The following JAKMIP1 variants were observed in gnomAD, a reference collection of about 807,000 sequenced individuals.
The protein encoded by JAKMIP1 is janus kinase and microtubule-interacting protein 1.
A neutral mutation model predicts 113.0 loss-of-function variants in JAKMIP1; 33 were observed. The observed-to-expected ratio is 0.29, with a 90% CI of 0.22 to 0.39. The LOEUF (loss-of-function observed/expected upper bound fraction) is 0.39, where lower values mean the gene tolerates loss of function less well. JAKMIP1 is among the 10% of genes least tolerant of loss of function. The probability of loss-of-function intolerance (pLI) is 1.00; values close to 1 mark genes in which losing one functional copy is unlikely to be tolerated. For synonymous variants in JAKMIP1, 480 were observed against 459.9 expected, an observed-to-expected ratio of 1.04 and a Z score of -0.56; for missense variants, 813 against 1,080.5, an observed-to-expected ratio of 0.75 and a Z score of 3.47.
In JAKMIP1 at chr4:6,078,946, G is replaced by A. The variant is rs374764524; in HGVS notation, c.1295C>T (p.Pro432Leu). Residue 432 changes from proline (P) to leucine (L), a missense_variant, in exon 8 of 21, where the codon CCG becomes CTG. By Grantham distance (98) the Pro-to-Leu change is moderately conservative. Coordinates refer to ENST00000409021, the MANE Select transcript of JAKMIP1 (RefSeq NM_001099433.2). ...SKRHRGKSLK[P>L]PKKHVVETFF... ...GCACCATCGCAGGCTCACCTTGGGC[G>A]GTTTCAGACTTTTCCCTCGATGCCT... The A allele has an allele frequency of 3.3e-5, 54 of 1,614,044 alleles. No homozygotes were observed. Among genetic ancestry groups the A allele is most frequent in the East Asian group, 4.5e-5 (2 of 44,890 alleles).
intron 1 of JAKMIP1, among the ~76,000 whole-genome samples, chr4:6,146,989 G>A (rs1162304217): frequency 6.6e-6 from 1 of 151,908 alleles, no homozygotes; most frequent in African/African-American, 2.4e-5. Flanking sequence ...ATGGAGTTTT[G>A]CTCTTGTTGC....
intron 8 of JAKMIP1, among the ~76,000 whole-genome samples, chr4:6,078,528 AT>A (rs1394336427): frequency 6.6e-6 from 1 of 151,898 alleles, no homozygotes; most frequent in African/African-American, 2.4e-5. Flanking sequence ...CAAAAGACCT[AT>A]ATTTTCCAAA....
Position 6,042,306 on chromosome 4 carries a change from T to G in JAKMIP1, c.2029-79A>C. 1 of 1,152,396 alleles carries G rather than the reference T, an allele frequency of 8.7e-7. No homozygotes were observed. 71.4% of individuals were successfully genotyped at this position (1,152,396 alleles called of 1,614,324 possible). ...GGGGCTGTGGAATTTCACAGGTGTG[T>G]GAATTTCATAGATCGGCTTCCTCAG... On this transcript the variant is annotated intron_variant, in intron 16 of 20. Coordinates refer to ENST00000409021, the MANE Select transcript of JAKMIP1 (RefSeq NM_001099433.2). This position sits in a 1 kb window ranked among gnomAD's most constrained non-coding sequence, Gnocchi z 5.2.
rs1431535698 is a variant in JAKMIP1, at chr4:6,135,505, T to C, written c.-147-22508A>G. On this transcript the variant is annotated intron_variant, in intron 1 of 20. Coordinates refer to ENST00000409021, the MANE Select transcript of JAKMIP1 (RefSeq NM_001099433.2). The surrounding 1 kb of genome is among the most constrained non-coding windows in gnomAD (Gnocchi z 4.9). Reference sequence around the variant, plus strand: ...GTCCATCATGGCAGCCCCTGAAGACTGATACAGAGATGCTCCTTGAGCTGC... The same window carrying C: ...GTCCATCATGGCAGCCCCTGAAGACCGATACAGAGATGCTCCTTGAGCTGC... 2.6e-5 allele frequency among the ~76,000 whole-genome samples: 4 copies of C among 152,108 alleles called. No homozygotes were observed. The highest frequency in any genetic ancestry group is 2.6e-4 in the Admixed American group (4 of 15,266).
rs1396691189 is a variant in JAKMIP1 at position 6,180,325 on chromosome 4, A to T, written c.-148+19928T>A. 6.6e-6 allele frequency among the ~76,000 whole-genome samples: 1 copy of T among 152,244 alleles called. No homozygotes were observed. The highest frequency in any genetic ancestry group is 1.9e-4 in the East Asian group (1 of 5,198). On this transcript the variant is annotated intron_variant, in intron 1 of 20. Transcript: ENST00000409021. This position sits in a 1 kb window ranked among gnomAD's most constrained non-coding sequence, Gnocchi z 4.5. ...TGAGAGTTGTTTATCAACATTCAAGAGAACATAATGAAGCTTCCTTTAGAA... is the reference window on the plus strand; with the variant it reads ...TGAGAGTTGTTTATCAACATTCAAGTGAACATAATGAAGCTTCCTTTAGAA...
intron 12 of JAKMIP1, chr4:6,054,849 C>T (rs1307872177): frequency 4.4e-6 from 2 of 456,632 alleles, no homozygotes; most frequent in Non-Finnish European, 8.8e-6. Flanking sequence ...AGCCTCATAG[C>T]ACCATTACAG....
intron 2 of JAKMIP1, among the ~76,000 whole-genome samples, chr4:6,109,763 C>G (rs900116323): frequency 3.3e-5 from 5 of 152,094 alleles, no homozygotes; most frequent in African/African-American, 1.2e-4. Context: ...AAAATGCCAG[C>G]ACTTTAAATG....
chr4:6,099,662 C>G (rs1188153281), intron 3 of JAKMIP1, among the ~76,000 whole-genome samples: 1 of 152,222 alleles, frequency 6.6e-6, no homozygotes, highest in Non-Finnish European at 1.5e-5. Context: ...CCCACTTCTC[C>G]TGTTCTTTAT....
chr4:6,174,809 G>A (rs1299757556), intron 1 of JAKMIP1, among the ~76,000 whole-genome samples: 5 of 148,082 alleles, frequency 3.4e-5, no homozygotes, highest in Non-Finnish European at 5.9e-5. Context: ...TGACCCCGTC[G>A]TGTCAAGGAC....
rs1431992905 is a variant in JAKMIP1, at chr4:6,061,071, G to A, written c.1561-564C>T. Among the ~76,000 whole-genome samples, 7 of 152,222 alleles carry A rather than the reference G, an allele frequency of 4.6e-5. No homozygotes were observed. Among genetic ancestry groups the A allele is most frequent in the South Asian group, 4.1e-4 (2 of 4,828 alleles). On this transcript the variant is annotated intron_variant, in intron 10 of 20. Coordinates refer to ENST00000409021, the MANE Select transcript of JAKMIP1 (RefSeq NM_001099433.2). This position sits in a 1 kb window ranked among gnomAD's most constrained non-coding sequence, Gnocchi z 5.3. ...GGACTGTGGCAAGCCAGAGGCACAC[G>A]TCCCATCTCAGGGAGACACTGCTAC...
At chr4:6,170,322 T>C (rs111064827) in intron 1 of JAKMIP1, among the ~76,000 whole-genome samples, 30 of 68,752 alleles carry the variant, frequency 4.4e-4, no homozygotes, top group South Asian at 1.7e-3. Context: ...CTCTCCACCA[T>C]CACCACCACT....
chr4:6,040,674 C>T lies in JAKMIP1; in HGVS notation c.2140G>A (p.Asp714Asn). The T allele has an allele frequency of 1.9e-6, 3 of 1,613,608 alleles. No individual in the cohort carries two copies. The highest frequency in any genetic ancestry group is 2.5e-6 in the Non-Finnish European group (3 of 1,179,762). Residue 714 changes from aspartate to asparagine, a missense_variant, in exon 18 of 21, where the codon GAC becomes AAC. Physicochemically the swap from Asp to Asn is conservative, Grantham distance 23. Transcript: ENST00000409021. This position sits in a 1 kb window ranked among gnomAD's most constrained non-coding sequence, Gnocchi z 5.8. ...RQKGYLEEEL[D>N]YRKQALDQAY... ...TGGTCAAGGGCTTGCTTCCGGTAGT[C>T]GAGCTCCTCTTCCAGGTAGCCCTTC...
chr4:6,154,054 T>C lies in JAKMIP1; in HGVS notation c.-147-41057A>G, dbSNP rs1003801338. ...ACCAGAGTGAGAGTTCAAGGCCATCTCTGCAGCCCCCAGACCATGCCTGGC... is the reference window on the plus strand; with the variant it reads ...ACCAGAGTGAGAGTTCAAGGCCATCCCTGCAGCCCCCAGACCATGCCTGGC... On this transcript the variant is annotated intron_variant, in intron 1 of 20. Coordinates refer to ENST00000409021, the MANE Select transcript of JAKMIP1 (RefSeq NM_001099433.2). The surrounding 1 kb of genome is among the most constrained non-coding windows in gnomAD (Gnocchi z 4.2). 1.3e-5 allele frequency among the ~76,000 whole-genome samples: 2 copies of C among 152,216 alleles called. No individual in the cohort carries two copies. Among genetic ancestry groups the C allele is most frequent in the African/African-American group, 4.8e-5 (2 of 41,452 alleles).
intron 1 of JAKMIP1, among the ~76,000 whole-genome samples, chr4:6,177,206 T>G (rs563137425): frequency 6.6e-6 from 1 of 152,060 alleles, no homozygotes; most frequent in Admixed American, 6.6e-5. Flanking sequence ...ACTTAGCAAA[T>G]ATTGATGTAG....
In JAKMIP1 at chr4:6,112,919, G is replaced by T; in HGVS notation, c.-69C>A. On this transcript the variant is annotated 5_prime_UTR_variant, in exon 2 of 21. Coordinates refer to ENST00000409021, the MANE Select transcript of JAKMIP1 (RefSeq NM_001099433.2). ...TGTTCACGCACGCCAGCCAGCAGGCGTGGCTACCAGCTCCACCGTGCTAAC... is the reference window on the plus strand; with the variant it reads ...TGTTCACGCACGCCAGCCAGCAGGCTTGGCTACCAGCTCCACCGTGCTAAC... 1 of 1,567,574 alleles carries T rather than the reference G, an allele frequency of 6.4e-7. No homozygotes were observed. The highest frequency in any genetic ancestry group is 8.7e-7 in the Non-Finnish European group (1 of 1,154,748).
At chr4:6,057,557 C>T (rs1367269606) in intron 11 of JAKMIP1, among the ~76,000 whole-genome samples, 1 of 152,228 alleles carries the variant, frequency 6.6e-6, no homozygotes, top group African/African-American at 2.4e-5. Flanking sequence ...GCACCTGCAT[C>T]ATCCTCATGC....
At chr4:6,030,539 C>T (rs559574774) in intron 19 of JAKMIP1, among the ~76,000 whole-genome samples, 10 of 152,298 alleles carry the variant, frequency 6.6e-5, no homozygotes, top group African/African-American at 1.7e-4. Context: ...TGAACTCCCC[C>T]GTTTCCAGAT....
chr4:6,175,545 C>T (rs546302049), intron 1 of JAKMIP1, among the ~76,000 whole-genome samples: 10 of 152,318 alleles, frequency 6.6e-5, no homozygotes, highest in East Asian at 1.9e-4. Flanking sequence ...CCAAGCATCT[C>T]GCTCATGACT....
At chr4:6,109,972 G>T (rs1054765678) in intron 2 of JAKMIP1, among the ~76,000 whole-genome samples, 1 of 152,146 alleles carries the variant, frequency 6.6e-6, no homozygotes, top group Non-Finnish European at 1.5e-5. Flanking sequence ...ATCAGCCAGC[G>T]TGCATCCAAG....
Sources: gnomAD v4.1 joint callset for allele counts (sites outside exome capture counted in the v4.1 genomes callset) on GRCh38, gnomAD v4.1.1 for gene constraint, Gnocchi (gnomAD v3.1) non-coding constraint, MANE v1.5 for transcripts, NCBI Gene and HGNC (gene_info 2026-07-23, HGNC 2026-07-21) for gene names.